SLC41A2: variants seen among roughly 807,000 people sequenced by gnomAD.
The protein encoded by SLC41A2 is SLC41A1-like 1.
Under a neutral mutation model 58.3 loss-of-function variants are expected in SLC41A2, and 32 were observed. That is an observed-to-expected ratio of 0.55 (90% confidence interval 0.41 to 0.74). The LOEUF (loss-of-function observed/expected upper bound fraction) is 0.74. SLC41A2 is among the 30% of genes least tolerant of loss of function. The pLI, the probability that SLC41A2 is intolerant of heterozygous loss-of-function variation, is 0.00. For synonymous variants in SLC41A2, 190 were observed against 235.0 expected, an observed-to-expected ratio of 0.81 and a Z score of 1.75; for missense variants, 514 against 680.6, an observed-to-expected ratio of 0.76 and a Z score of 2.72.
chr12:104,843,687 T>C (rs1487419910), intron 10 of SLC41A2, among the ~76,000 whole-genome samples: 4 of 152,066 alleles, frequency 2.6e-5, no homozygotes, highest in African/African-American at 9.7e-5. Flanking sequence ...AACACAAAAA[T>C]AGAAGAAAAC....
intron 10 of SLC41A2, among the ~76,000 whole-genome samples, chr12:104,832,613 G>T (rs1245076504): frequency 6.6e-6 from 1 of 152,122 alleles, no homozygotes; most frequent in Non-Finnish European, 1.5e-5. Flanking sequence ...AATAGTTATA[G>T]TTAACTGTTA....
chr12:104,856,284 G>A (rs1276838070), intron 8 of SLC41A2, among the ~76,000 whole-genome samples: 1 of 152,162 alleles, frequency 6.6e-6, no homozygotes, highest in Non-Finnish European at 1.5e-5. Flanking sequence ...TTTCAGAGAA[G>A]CGATGAGAAT....
At chr12:104,953,566 G>A (rs1218690304) in intron 1 of SLC41A2, among the ~76,000 whole-genome samples, 1 of 152,176 alleles carries the variant, frequency 6.6e-6, no homozygotes, top group African/African-American at 2.4e-5. Context: ...AGGAGAGAAA[G>A]TTTTCCTTTC....
intron 1 of SLC41A2, among the ~76,000 whole-genome samples, chr12:104,948,949 G>A (rs2047845079): frequency 6.6e-6 from 1 of 152,184 alleles, no homozygotes; most frequent in African/African-American, 2.4e-5. Context: ...TGGGCGTGGT[G>A]GCTCATGCCT....
At chr12:104,911,270 A>G (rs1027556506) in intron 2 of SLC41A2, among the ~76,000 whole-genome samples, 1 of 152,224 alleles carries the variant, frequency 6.6e-6, no homozygotes, top group African/African-American at 2.4e-5. Context: ...TAACCCAACC[A>G]TATTGGGCAC....
chr12:104,808,964 A>G (rs143585335), intron 10 of SLC41A2, among the ~76,000 whole-genome samples: 12 of 152,186 alleles, frequency 7.9e-5, no homozygotes, highest in African/African-American at 2.7e-4. Context: ...GATAATGTTC[A>G]TGGTTTTGGA....
intron 7 of SLC41A2, 73 bp downstream of exon 7, chr12:104,866,359 G>T (rs2043443739): frequency 1.4e-6 from 2 of 1,414,384 alleles, no homozygotes; most frequent in Non-Finnish European, 9.2e-7. Flanking sequence ...GCTTATAGAA[G>T]ACACACAAAG....
intron 6 of SLC41A2, 46 bp downstream of exon 6, chr12:104,886,247 A>G: frequency 6.3e-7 from 1 of 1,588,636 alleles, no homozygotes; most frequent in South Asian, 1.1e-5. Flanking sequence ...TATTTATTTA[A>G]AGAGACTTGA....
chr12:104,907,628 G>T (rs954010853), intron 3 of SLC41A2, among the ~76,000 whole-genome samples: 1 of 152,104 alleles, frequency 6.6e-6, no homozygotes. Flanking sequence ...GTTATTTATT[G>T]GTTTTATAAA....
intron 10 of SLC41A2, among the ~76,000 whole-genome samples, chr12:104,826,062 T>G (rs2041833570): frequency 6.6e-6 from 1 of 152,174 alleles, no homozygotes; most frequent in South Asian, 2.1e-4. Context: ...CATCACATCC[T>G]GAGTTTTCGC....
intron 10 of SLC41A2, among the ~76,000 whole-genome samples, chr12:104,810,752 G>T (rs1362007288): frequency 6.6e-6 from 1 of 152,120 alleles, no homozygotes; most frequent in Non-Finnish European, 1.5e-5. Context: ...CTATGTAGTT[G>T]TCACAGAGAG....
intron 2 of SLC41A2, among the ~76,000 whole-genome samples, chr12:104,927,645 A>C: frequency 6.6e-6 from 1 of 152,142 alleles, no homozygotes; most frequent in East Asian, 1.9e-4. Context: ...CATTTTAATG[A>C]GTATATATTA....
In SLC41A2 at chr12:104,928,533, C is replaced by A; in HGVS notation, c.-6G>T. On this transcript the variant is annotated 5_prime_UTR_variant, in exon 2 of 11. The change abolishes an upstream ATG in the 5' untranslated region. Coordinates refer to ENST00000258538, the MANE Select transcript of SLC41A2 (RefSeq NM_001352171.3). ...CTTCCTTTACTATTAGTCATATTGT[C>A]ATCACAAAAGACCCTGTACTCCTTA... 1 of 1,478,064 alleles carries A rather than the reference C, an allele frequency of 6.8e-7. No individual in the cohort carries two copies. The highest frequency in any genetic ancestry group is 1.4e-5 in the South Asian group (1 of 70,696). The allele number at this position is 1,478,064 out of a possible 1,614,324, so 91.6% of individuals were successfully genotyped here.
chr12:104,852,184 T>C (rs1397395564), intron 8 of SLC41A2, among the ~76,000 whole-genome samples: 1 of 152,214 alleles, frequency 6.6e-6, no homozygotes, highest in Admixed American at 6.5e-5. Context: ...AGGAAAAGAA[T>C]CTAATATCAA....
In SLC41A2 at chr12:104,903,044, A is replaced by G. The variant is rs1190246132; in HGVS notation, c.663+6611T>C. On this transcript the variant is annotated intron_variant, in intron 3 of 10. Coordinates refer to ENST00000258538, the MANE Select transcript of SLC41A2 (RefSeq NM_001352171.3). ...GCTTGCTTTTACTCCTCTCAGATCC[A>G]GAAAGAATTTTTAGTGATGGCTCCT... is the stretch of plus-strand genomic sequence containing the variant. 5.3e-5 allele frequency among the ~76,000 whole-genome samples: 8 copies of G among 152,328 alleles called. No homozygotes were observed. The South Asian group carries it at 1.4e-3, about 28-fold the overall frequency.
At chr12:104,893,389 C>T (rs2135693457) in intron 4 of SLC41A2, among the ~76,000 whole-genome samples, 1 of 152,280 alleles carries the variant, frequency 6.6e-6, no homozygotes, top group Non-Finnish European at 1.5e-5. Flanking sequence ...AAAGGGAACC[C>T]TCGTACACTG....
chr12:104,946,693 T>C (rs2047731239), intron 1 of SLC41A2, among the ~76,000 whole-genome samples: 2 of 152,250 alleles, frequency 1.3e-5, no homozygotes, highest in African/African-American at 2.4e-5. Flanking sequence ...CTGAGATGTT[T>C]GCAATGCTTT....
intron 2 of SLC41A2, among the ~76,000 whole-genome samples, chr12:104,912,391 G>A (rs1311478352): frequency 6.6e-6 from 1 of 152,144 alleles, no homozygotes; most frequent in Non-Finnish European, 1.5e-5. Flanking sequence ...GGGGAGGATG[G>A]AGGGACTGAA....
intron 6 of SLC41A2, among the ~76,000 whole-genome samples, chr12:104,870,264 G>T (rs953458668): frequency 6.6e-6 from 1 of 152,144 alleles, no homozygotes; most frequent in Non-Finnish European, 1.5e-5. Flanking sequence ...CGAGAACACC[G>T]GCAGGCAGCT....
Sources: gnomAD v4.1 joint callset for allele counts (sites outside exome capture counted in the v4.1 genomes callset) on GRCh38, gnomAD v4.1.1 for gene constraint, MANE v1.5 for transcripts, NCBI Gene and HGNC (gene_info 2026-07-23, HGNC 2026-07-21) for gene names.